CCDC192: variants seen among roughly 807,000 people sequenced by gnomAD.
The protein encoded by CCDC192 is coiled-coil domain containing 192.
At chr5:127,803,956 G>T (rs929930026) in intron 5 of CCDC192, among the ~76,000 whole-genome samples, 1 of 152,206 alleles carries the variant, frequency 6.6e-6, no homozygotes, top group Non-Finnish European at 1.5e-5. Flanking sequence ...GGACAGATGA[G>T]TGAATTTTGG....
At chr5:127,831,999 ATAAT>A (rs550002687) in intron 5 of CCDC192, among the ~76,000 whole-genome samples, 8 of 152,260 alleles carry the variant, frequency 5.3e-5, no homozygotes, top group South Asian at 2.1e-4. Context: ...AAGGAATTAA[ATAAT>A]TAAAGGAATA....
intron 5 of CCDC192, among the ~76,000 whole-genome samples, chr5:127,849,027 T>C (rs1248022744): frequency 1.3e-5 from 2 of 152,030 alleles, no homozygotes; most frequent in African/African-American, 4.8e-5. Flanking sequence ...GTCAAGAGTT[T>C]GAGGCCAGCC....
intron 3 of CCDC192, among the ~76,000 whole-genome samples, chr5:127,762,731 C>A (rs1755000285): frequency 6.6e-6 from 1 of 152,184 alleles, no homozygotes; most frequent in Non-Finnish European, 1.5e-5. Context: ...AGCCTCATGC[C>A]TTAAGAGTCA....
At chr5:127,817,143 G>A (rs766312347) in intron 5 of CCDC192, among the ~76,000 whole-genome samples, 6 of 152,170 alleles carry the variant, frequency 3.9e-5, no homozygotes, top group Non-Finnish European at 7.3e-5. Context: ...CCTGTTGGCA[G>A]TTGGTGGCTT....
intron 6 of CCDC192, among the ~76,000 whole-genome samples, chr5:127,923,469 C>G (rs1209263925): frequency 6.6e-6 from 1 of 151,972 alleles, no homozygotes; most frequent in South Asian, 2.1e-4. Context: ...GCTCCGCCTC[C>G]CGGATTCACG....
intron 5 of CCDC192, among the ~76,000 whole-genome samples, chr5:127,823,577 T>G (rs540946859): frequency 1.3e-5 from 2 of 152,230 alleles, no homozygotes; most frequent in African/African-American, 4.8e-5. Context: ...CTTTCCCCTG[T>G]GCCAGCCAAT....
At chr5:127,821,136 C>A (rs1749270786) in intron 5 of CCDC192, among the ~76,000 whole-genome samples, 1 of 152,122 alleles carries the variant, frequency 6.6e-6, no homozygotes, top group Non-Finnish European at 1.5e-5. Flanking sequence ...GTTTAACAAC[C>A]AGCTTTGGTG....
At chr5:127,734,198 T>A (rs1389554443) in intron 2 of CCDC192, among the ~76,000 whole-genome samples, 2 of 151,262 alleles carry the variant, frequency 1.3e-5, no homozygotes, top group Admixed American at 6.6e-5. Flanking sequence ...GTTCTTGCGA[T>A]AGTTTACTGA....
chr5:127,705,415 A>C (rs965491295), intron 1 of CCDC192, among the ~76,000 whole-genome samples: 3 of 152,170 alleles, frequency 2.0e-5, no homozygotes, highest in South Asian at 4.1e-4. Context: ...TATTGCACTC[A>C]CGTATTTTGT....
At chr5:127,900,324 T>C (rs1431964151) in intron 6 of CCDC192, among the ~76,000 whole-genome samples, 1 of 152,182 alleles carries the variant, frequency 6.6e-6, no homozygotes, top group Non-Finnish European at 1.5e-5. Flanking sequence ...CAGATGTACA[T>C]GGAAAACGGA....
At chr5:127,841,320 G>A (rs1750275713) in intron 5 of CCDC192, among the ~76,000 whole-genome samples, 1 of 152,148 alleles carries the variant, frequency 6.6e-6, no homozygotes, top group African/African-American at 2.4e-5. Context: ...TTTGTCCTCT[G>A]AGTTCCCAAA....
chr5:127,860,966 G>C (rs949950861), intron 5 of CCDC192, among the ~76,000 whole-genome samples: 1 of 152,080 alleles, frequency 6.6e-6, no homozygotes, highest in African/African-American at 2.4e-5. Context: ...GTAGACACAG[G>C]GATTAGAAAG....
intron 2 of CCDC192, among the ~76,000 whole-genome samples, chr5:127,717,928 C>CAAAAAAAAAAAAAAAAAAAAACAAAAAAA: frequency 1.0e-5 from 1 of 98,074 alleles, no homozygotes; most frequent in Non-Finnish European, 2.0e-5. Context: ...TAAAGCTAGA[C>CAAAAAAAAAAAAAAAAAAAAACAAAAAAA]AAAAAAAAAA....
chr5:127,708,110 A>T (rs1323191343), intron 2 of CCDC192, among the ~76,000 whole-genome samples: 1 of 152,180 alleles, frequency 6.6e-6, no homozygotes, highest in Non-Finnish European at 1.5e-5. Flanking sequence ...TGTATGAGGA[A>T]ATCCTGGAAT....
intron 6 of CCDC192, among the ~76,000 whole-genome samples, chr5:127,939,898 C>A (rs747758764): frequency 6.6e-6 from 1 of 152,204 alleles, no homozygotes; most frequent in African/African-American, 2.4e-5. Flanking sequence ...GCATCAGGTT[C>A]ATTCATACAT....
chr5:127,881,259 A>G (rs993593991), intron 6 of CCDC192, among the ~76,000 whole-genome samples: 4 of 152,204 alleles, frequency 2.6e-5, no homozygotes, highest in African/African-American at 9.6e-5. Flanking sequence ...TGTTGTAACA[A>G]TTATATGGCA....
chr5:127,799,506 G>T, intron 5 of CCDC192, among the ~76,000 whole-genome samples: 1 of 152,166 alleles, frequency 6.6e-6, no homozygotes, highest in East Asian at 1.9e-4. Flanking sequence ...AATGACTATT[G>T]TCAGAGGATG....
chr5:127,868,013 T>C (rs1440125571), intron 5 of CCDC192, among the ~76,000 whole-genome samples: 2 of 151,224 alleles, frequency 1.3e-5, no homozygotes, highest in South Asian at 2.1e-4. Flanking sequence ...CTTTTTCTTT[T>C]TTTTTTTTTT....
At chr5:127,744,182 T>C (rs1450709979) in intron 2 of CCDC192, among the ~76,000 whole-genome samples, 1 of 149,638 alleles carries the variant, frequency 6.7e-6, no homozygotes, top group Non-Finnish European at 1.5e-5. Flanking sequence ...ACCACTGTGA[T>C]GTGAATTCTG....
Sources: gnomAD v4.1 joint callset for allele counts (sites outside exome capture counted in the v4.1 genomes callset) on GRCh38, gnomAD v4.1.1 for gene constraint, MANE v1.5 for transcripts, NCBI Gene and HGNC (gene_info 2026-07-23, HGNC 2026-07-21) for gene names.